The following AGBL1 variants were observed in gnomAD, a reference collection of about 807,000 sequenced individuals.
AGBL1 encodes the protein AGBL carboxypeptidase 1.
A neutral mutation model predicts 118.9 loss-of-function variants in AGBL1; 130 were observed. The ratio of observed to expected loss-of-function variants is 1.09; its 90% confidence interval spans 0.95 to 1.26. AGBL1 has a LOEUF of 1.26. Ranked by LOEUF, AGBL1 falls within the 50% of genes most tolerant of loss-of-function variation. The probability of loss-of-function intolerance (pLI) is 0.00; values close to 1 mark genes in which losing one functional copy is unlikely to be tolerated. For synonymous variants in AGBL1, 555 were observed against 478.9 expected, an observed-to-expected ratio of 1.16 and a Z score of -2.08; for missense variants, 1,584 against 1,298.1, an observed-to-expected ratio of 1.22 and a Z score of -3.38.
chr15:86,977,321 CTACTT>C (rs1210147666), intron 23 of AGBL1, among the ~76,000 whole-genome samples: 1 of 151,342 alleles, frequency 6.6e-6, no homozygotes, highest in East Asian at 1.9e-4. Context: ...TAATAGAAAA[CTACTT>C]TATTAATTTT....
chr15:86,284,932 G>C (rs1439553105), intron 16 of AGBL1, among the ~76,000 whole-genome samples: 1 of 151,996 alleles, frequency 6.6e-6, no homozygotes, highest in Non-Finnish European at 1.5e-5. Flanking sequence ...GTCTCTCTGG[G>C]GGTTTCTACA....
intron 19 of AGBL1, among the ~76,000 whole-genome samples, chr15:86,528,447 G>A (rs375776141): frequency 4.6e-5 from 7 of 152,172 alleles, no homozygotes; most frequent in East Asian, 3.9e-4. Context: ...CACCTGGCTC[G>A]GAGGGTCCTA....
In AGBL1 at chr15:86,522,875, AGCCAACCATTTACCAT is replaced by A. The variant is rs1387719654; in HGVS notation, c.2627_2642del (p.Thr876LysfsTer7). 3.7e-6 allele frequency: 6 copies of A among 1,613,894 alleles called. No individual in the cohort carries two copies. Among genetic ancestry groups the A allele is most frequent in the Non-Finnish European group, 5.1e-6 (6 of 1,179,880 alleles). On this transcript the variant is annotated frameshift_variant, in exon 19 of 23. Transcript: ENST00000614907. LOFTEE classifies it high-confidence loss of function. ...TGGCTTTCTCCCAGTGCTCATCTGCAGCCAACCATTTACCATGCCAAAGGCCTCCTCTACCACCTGA... is the reference window on the plus strand; with the variant it reads ...TGGCTTTCTCCCAGTGCTCATCTGCAGCCAAAGGCCTCCTCTACCACCTGA...
At chr15:86,446,005 G>A (rs1034666642) in intron 18 of AGBL1, among the ~76,000 whole-genome samples, 1 of 152,160 alleles carries the variant, frequency 6.6e-6, no homozygotes, top group African/African-American at 2.4e-5. Flanking sequence ...GGAGAGAGAG[G>A]GAGGAAGAAT....
chr15:86,247,877 C>G lies in AGBL1; in HGVS notation c.733C>G (p.Gln245Glu). Residue 245 changes from glutamine (Q) to glutamate (E), a missense_variant and splice_region_variant, in exon 7 of 23, where the codon CAG becomes GAG. Transcript: ENST00000614907. ...QGMEILFSTTQNCLDDKSMEP... is the reference protein window; with the variant it reads ...QGMEILFSTTENCLDDKSMEP... ...CATGGAGATCCTCTTCAGCACCACA[C>G]AGGCAGGCAGCATGGGGATTCACTC... The G allele has an allele frequency of 2.5e-6, 4 of 1,613,886 alleles. No individual in the cohort carries two copies. The highest frequency in any genetic ancestry group is 1.1e-5 in the South Asian group (1 of 91,080).
At chr15:86,922,911 A>G (rs1421228188) in intron 23 of AGBL1, among the ~76,000 whole-genome samples, 1 of 152,240 alleles carries the variant, frequency 6.6e-6, no homozygotes, top group African/African-American at 2.4e-5. Context: ...AATATGAATC[A>G]GCTTATTATC....
chr15:86,303,334 G>A (rs2079784453), intron 17 of AGBL1, among the ~76,000 whole-genome samples: 1 of 152,124 alleles, frequency 6.6e-6, no homozygotes, highest in African/African-American at 2.4e-5. Flanking sequence ...AAGGAAGATA[G>A]GTCTAGGGAA....
intron 17 of AGBL1, among the ~76,000 whole-genome samples, chr15:86,362,130 A>T (rs150669321): frequency 6.6e-6 from 1 of 152,144 alleles, no homozygotes; most frequent in African/African-American, 2.4e-5. Flanking sequence ...TATGTAAATT[A>T]TCTTACAGTT....
intron 22 of AGBL1, among the ~76,000 whole-genome samples, chr15:86,864,056 A>C (rs1056313576): frequency 6.6e-5 from 10 of 152,200 alleles, no homozygotes; most frequent in Admixed American, 1.3e-4. Flanking sequence ...ACTTGTGTGC[A>C]CAGCACTTTT....
At chr15:86,180,547 T>C (rs1179485040) in intron 5 of AGBL1, among the ~76,000 whole-genome samples, 2 of 152,134 alleles carry the variant, frequency 1.3e-5, no homozygotes, top group African/African-American at 4.8e-5. Flanking sequence ...TAGACTTAAA[T>C]GTGCAACCTA....
chr15:86,546,163 A>G (rs35664686), intron 20 of AGBL1, 30 bp downstream of exon 20: 13 of 1,595,110 alleles, frequency 8.1e-6, no homozygotes, highest in Non-Finnish European at 1.1e-5. Context: ...GACATCAGAC[A>G]TGCTGTGTTC....
intron 23 of AGBL1, among the ~76,000 whole-genome samples, chr15:86,931,214 C>T (rs551956558): frequency 3.4e-4 from 52 of 152,344 alleles, no homozygotes; most frequent in African/African-American, 1.2e-3. Context: ...TTACCCTTCG[C>T]TTCAAGATAT....
intron 18 of AGBL1, among the ~76,000 whole-genome samples, chr15:86,429,281 C>T (rs1596103819): frequency 6.6e-6 from 1 of 152,202 alleles, no homozygotes; most frequent in Non-Finnish European, 1.5e-5. Flanking sequence ...TTGGCCTCTG[C>T]CTTTCTCCAG....
At chr15:86,131,485 TAGTA>T (rs61426900) in intron 1 of AGBL1, among the ~76,000 whole-genome samples, 2,269 of 152,314 alleles carry the variant, frequency 0.015, 34 homozygotes, top group Non-Finnish European at 0.022. Context: ...ATTTGTAAAA[TAGTA>T]AGAAAGTTTA....
At chr15:86,294,272 G>T (rs1408665177) in intron 16 of AGBL1, among the ~76,000 whole-genome samples, 1 of 151,798 alleles carries the variant, frequency 6.6e-6, no homozygotes, top group Admixed American at 6.6e-5. Flanking sequence ...GGTCGTGGGT[G>T]CCTGTAATCC....
chr15:86,845,513 T>C (rs935111115), intron 22 of AGBL1, among the ~76,000 whole-genome samples: 1 of 152,178 alleles, frequency 6.6e-6, no homozygotes, highest in Non-Finnish European at 1.5e-5. Flanking sequence ...GCTAATAATA[T>C]GTGTTTATAC....
intron 22 of AGBL1, among the ~76,000 whole-genome samples, chr15:86,828,647 C>G (rs189589809): frequency 1.3e-5 from 2 of 152,114 alleles, no homozygotes. Context: ...CCAGAAGGGA[C>G]CAGCGCTTCT....
intron 5 of AGBL1, among the ~76,000 whole-genome samples, chr15:86,160,646 G>A (rs1050027913): frequency 6.6e-6 from 1 of 152,078 alleles, no homozygotes; most frequent in East Asian, 1.9e-4. Context: ...TTATCTTTCT[G>A]CCCTATTCAC....
intron 22 of AGBL1, among the ~76,000 whole-genome samples, chr15:86,868,505 G>C (rs976496361): frequency 9.9e-5 from 15 of 152,222 alleles, no homozygotes; most frequent in African/African-American, 3.6e-4. Flanking sequence ...CAAGGGTGTT[G>C]CACAAGGGAC....
Sources: gnomAD v4.1 joint callset for allele counts (sites outside exome capture counted in the v4.1 genomes callset) on GRCh38, gnomAD v4.1.1 for gene constraint, MANE v1.5 for transcripts, NCBI Gene and HGNC (gene_info 2026-07-23, HGNC 2026-07-21) for gene names.